Variants in RANBP17 observed in about 807,000 individuals in gnomAD.
The protein encoded by RANBP17 is ran-binding protein 17.
Under a neutral mutation model 141.2 loss-of-function variants are expected in RANBP17, and 158 were observed. The observed-to-expected ratio is 1.12, with a 90% CI of 0.98 to 1.28. The LOEUF is 1.28. Among genes scored for constraint, RANBP17 ranks in the 50% most tolerant of loss-of-function variants. The probability of loss-of-function intolerance (pLI) is 0.00; values close to 1 mark genes in which losing one functional copy is unlikely to be tolerated. For missense variants in RANBP17, 1,438 were observed against 1,290.7 expected, an observed-to-expected ratio of 1.11 and a Z score of -1.75; for synonymous variants, 430 against 450.0, an observed-to-expected ratio of 0.96 and a Z score of 0.56.
intron 24 of RANBP17, among the ~76,000 whole-genome samples, chr5:171,253,292 G>A (rs7703224): frequency 0.025 from 3,797 of 152,236 alleles, 158 homozygotes; most frequent in African/African-American, 0.085. Flanking sequence ...TTTATTAATT[G>A]CACCAATAAT....
chr5:170,914,224 CACT>C lies in RANBP17; in HGVS notation c.823_825del (p.Leu275del), dbSNP rs777643595. On this transcript the variant is annotated inframe_deletion, in exon 8 of 28. Coordinates refer to ENST00000523189, the MANE Select transcript of RANBP17 (RefSeq NM_022897.5). The stretch of plus-strand genomic sequence containing the variant: ...TTCAATTTGTATCATTCACTTCCAC[CACT>C]ACTATCTCAGTTAGTAAGTAAAAGT... The C allele has an allele frequency of 6.4e-5, 103 of 1,604,100 alleles. No homozygotes were observed. The highest frequency in any genetic ancestry group is 2.8e-4 in the Admixed American group (17 of 59,840).
chr5:171,270,063 TC>T (rs1766995099), intron 25 of RANBP17, among the ~76,000 whole-genome samples: 1 of 152,206 alleles, frequency 6.6e-6, no homozygotes, highest in South Asian at 2.1e-4. Context: ...TCCTCAAGCT[TC>T]CGTAGTAAAG....
intron 14 of RANBP17, among the ~76,000 whole-genome samples, chr5:170,988,995 T>A (rs1342847535): frequency 6.6e-6 from 1 of 151,816 alleles, no homozygotes; most frequent in African/African-American, 2.4e-5. Flanking sequence ...TCAAGTTGCT[T>A]AAAGTAAGAT....
intron 12 of RANBP17, among the ~76,000 whole-genome samples, chr5:170,934,096 T>C (rs560850013): frequency 6.6e-6 from 1 of 152,228 alleles, no homozygotes; most frequent in Non-Finnish European, 1.5e-5. Context: ...ATCTGGGTGC[T>C]CCTGTATTGG....
intron 14 of RANBP17, among the ~76,000 whole-genome samples, chr5:171,149,246 A>G (rs753847851): frequency 3.6e-4 from 55 of 152,070 alleles, no homozygotes; most frequent in Non-Finnish European, 6.2e-4. Context: ...TTACTGTTCC[A>G]TTTTTTACTG....
chr5:171,131,601 G>T (rs1351934657), intron 14 of RANBP17, among the ~76,000 whole-genome samples: 1 of 152,212 alleles, frequency 6.6e-6, no homozygotes, highest in South Asian at 2.1e-4. Flanking sequence ...CTTCAAATTT[G>T]TACTGAAGTA....
intron 14 of RANBP17, among the ~76,000 whole-genome samples, chr5:171,138,884 C>T (rs1466389021): frequency 1.3e-5 from 2 of 152,002 alleles, no homozygotes; most frequent in Non-Finnish European, 1.5e-5. Context: ...AAGACTATCC[C>T]GGACAACATA....
At chr5:171,276,031 A>G (rs1391567452) in intron 25 of RANBP17, among the ~76,000 whole-genome samples, 1 of 152,216 alleles carries the variant, frequency 6.6e-6, no homozygotes, top group East Asian at 1.9e-4. Flanking sequence ...GCTGCTGGTC[A>G]GAAGCAAAGT....
intron 14 of RANBP17, among the ~76,000 whole-genome samples, chr5:171,133,011 G>A (rs1045159489): frequency 2.0e-5 from 3 of 151,610 alleles, no homozygotes; most frequent in African/African-American, 4.8e-5. Context: ...TCAGCCTCCC[G>A]AGTAGCTGGG....
intron 12 of RANBP17, among the ~76,000 whole-genome samples, chr5:170,944,823 A>G (rs1454240785): frequency 1.3e-5 from 2 of 152,248 alleles, no homozygotes; most frequent in Non-Finnish European, 2.9e-5. Context: ...TCTTTGATCT[A>G]ATAAGTTTAA....
At chr5:171,211,778 A>G (rs1228747345) in intron 20 of RANBP17, among the ~76,000 whole-genome samples, 1 of 152,072 alleles carries the variant, frequency 6.6e-6, no homozygotes, top group East Asian at 1.9e-4. Context: ...TAATAGGAGA[A>G]AGTGTTGCTT....
Position 171,205,658 on chromosome 5 carries a change from A to G in RANBP17, c.2231+46A>G, listed in dbSNP as rs771278240. On this transcript the variant is annotated intron_variant, in intron 20 of 27. Coordinates refer to ENST00000523189, the MANE Select transcript of RANBP17 (RefSeq NM_022897.5). ...CAATACCAGCTCTGTGCACAGAGGG[A>G]TGCCAGGCCCCTCGCTTTCGTTTAA... is the stretch of plus-strand genomic sequence containing the variant. The G allele has an allele frequency of 2.1e-5, 30 of 1,456,652 alleles. No homozygotes were observed. In the South Asian group the frequency reaches 2.8e-4, roughly 14 times the overall value. The allele number at this position is 1,456,652 out of a possible 1,614,324, so 90.2% of individuals were successfully genotyped here. A position where few individuals can be genotyped will look rare whatever the true frequency, so the allele number is the denominator to read the frequency against.
chr5:170,865,413 A>T (rs1464211349), intron 1 of RANBP17, among the ~76,000 whole-genome samples: 1 of 152,120 alleles, frequency 6.6e-6, no homozygotes, highest in Non-Finnish European at 1.5e-5. Context: ...TATTTGCCCG[A>T]GGTCACTTAA....
In RANBP17 at chr5:170,909,772, T is replaced by A. The variant is rs1267957165; in HGVS notation, c.594+7T>A. The A allele has an allele frequency of 7.5e-7, 1 of 1,326,204 alleles. No individual in the cohort carries two copies. The highest frequency in any genetic ancestry group is 1.1e-6 in the Non-Finnish European group (1 of 925,798). 82.2% of individuals were successfully genotyped at this position (1,326,204 alleles called of 1,614,324 possible). A position where few individuals can be genotyped will look rare whatever the true frequency, so the allele number is the denominator to read the frequency against. On this transcript the variant is annotated splice_region_variant and intron_variant, in intron 6 of 27. Coordinates refer to ENST00000523189, the MANE Select transcript of RANBP17 (RefSeq NM_022897.5). The stretch of plus-strand genomic sequence containing the variant: ...ATGCTCTCTTTTAAAAGAGGTAAGT[T>A]ATTTGATAATTCAACTTCCTAGTTA...
At chr5:171,198,509 TG>T (rs1190204710) in intron 18 of RANBP17, among the ~76,000 whole-genome samples, 2 of 152,174 alleles carry the variant, frequency 1.3e-5, no homozygotes, top group Non-Finnish European at 2.9e-5. Flanking sequence ...GTCTGAAAAA[TG>T]ACTATAGATG....
In RANBP17 at chr5:171,282,626, G is replaced by A. The variant is rs553055472; in HGVS notation, c.2944-11257G>A. 2.6e-5 allele frequency among the ~76,000 whole-genome samples: 4 copies of A among 151,978 alleles called. No homozygotes were observed. The East Asian group carries it at 5.8e-4, about 22-fold the overall frequency. ...CCCAAGTAGCTGGGATTACAGGTGC[G>A]CACCACCACTCCAGGCTAATTTTTT... On this transcript the variant is annotated intron_variant, in intron 25 of 27. Transcript: ENST00000523189.
chr5:171,213,848 C>T, intron 21 of RANBP17, 110 bp downstream of exon 21: 1 of 819,816 alleles, frequency 1.2e-6, no homozygotes, highest in South Asian at 1.4e-5. Flanking sequence ...AGCAAGAGCC[C>T]AGGAACCAAG....
intron 22 of RANBP17, among the ~76,000 whole-genome samples, chr5:171,224,139 C>T (rs912276393): frequency 6.6e-6 from 1 of 152,176 alleles, no homozygotes; most frequent in Non-Finnish European, 1.5e-5. Context: ...TTCAACAACC[C>T]ACATCATTGT....
intron 14 of RANBP17, among the ~76,000 whole-genome samples, chr5:171,047,300 G>A (rs1374071841): frequency 6.6e-6 from 1 of 151,728 alleles, no homozygotes; most frequent in East Asian, 1.9e-4. Context: ...TTACAGGTGT[G>A]AGCCACTGCA....
Sources: allele counts gnomAD v4.1 joint callset (sites outside exome capture counted in the v4.1 genomes callset), GRCh38; gene constraint gnomAD v4.1.1; transcripts MANE v1.5; gene names NCBI Gene and HGNC (gene_info 2026-07-23, HGNC 2026-07-21).